The following ABI1 variants were observed in gnomAD, a reference collection of about 807,000 sequenced individuals.
ABI1 encodes the protein Abelson interactor 1.
ABI1 carries 14 observed loss-of-function variants against 54.6 expected under a neutral mutation model. The observed-to-expected ratio is 0.26, with a 90% CI of 0.17 to 0.40. The LOEUF (loss-of-function observed/expected upper bound fraction) is 0.40, where lower values mean the gene tolerates loss of function less well. Among genes scored for constraint, ABI1 ranks in the 10% least tolerant of loss-of-function variants. The probability of loss-of-function intolerance (pLI) is 1.00; values close to 1 mark genes in which losing one functional copy is unlikely to be tolerated. For missense variants in ABI1, 443 were observed against 598.3 expected, an observed-to-expected ratio of 0.74 and a Z score of 2.71; for synonymous variants, 194 against 209.3, an observed-to-expected ratio of 0.93 and a Z score of 0.63.
intron 2 of ABI1, among the ~76,000 whole-genome samples, chr10:26,781,325 C>G (rs1289760488): frequency 2.6e-5 from 4 of 152,402 alleles, no homozygotes; most frequent in East Asian, 3.8e-4. Flanking sequence ...TGCAGCCAGT[C>G]TGGCCCCTAG....
At chr10:26,846,635 G>C (rs546275604) in intron 1 of ABI1, among the ~76,000 whole-genome samples, 72 of 152,056 alleles carry the variant, frequency 4.7e-4, no homozygotes, top group African/African-American at 1.5e-3. Context: ...GAGCCACTGC[G>C]CCCAGCCTTG....
chr10:26,807,945 A>C (rs533112925), intron 2 of ABI1, among the ~76,000 whole-genome samples: 1 of 152,060 alleles, frequency 6.6e-6, no homozygotes, highest in East Asian at 1.9e-4. Context: ...TACAAAAATT[A>C]GCTGGGCGTG....
intron 8 of ABI1, among the ~76,000 whole-genome samples, chr10:26,757,605 T>G (rs1380420769): frequency 1.3e-5 from 2 of 152,198 alleles, no homozygotes; most frequent in African/African-American, 4.8e-5. Flanking sequence ...AAATGTTAGG[T>G]AAAATCCTAT....
rs569068911 is a variant in ABI1 at position 26,860,837 on chromosome 10, C to A, written c.27G>T (p.Glu9Asp). MAELQMLL[E>D]EEIPSGKRAL... The stretch of plus-strand genomic sequence containing the variant: ...CCCTCTTGCCAGACGGGATCTCCTC[C>A]TCTAGTAACATCTGCAGCTCTGCCA... The change falls in exon 1 of 11, where the codon GAG (glutamate) becomes GAT (aspartate). Residue 9 changes from glutamate to aspartate, a missense_variant. Physicochemically the swap from Glu to Asp is conservative, Grantham distance 45. Transcript: ENST00000376140. This position sits in a 1 kb window ranked among gnomAD's most constrained non-coding sequence, Gnocchi z 4.1. 6.2e-7 allele frequency: 1 copy of A among 1,614,190 alleles called. No individual in the cohort carries two copies. The highest frequency in any genetic ancestry group is 1.3e-5 in the African/African-American group (1 of 75,058).
chr10:26,770,664 A>C, intron 4 of ABI1: 1 of 576,832 alleles, frequency 1.7e-6, no homozygotes, highest in Non-Finnish European at 3.2e-6. Flanking sequence ...AATTTTTGAA[A>C]TGTGTGCATG....
At chr10:26,841,430 G>A (rs2049496810) in intron 1 of ABI1, among the ~76,000 whole-genome samples, 1 of 146,428 alleles carries the variant, frequency 6.8e-6, no homozygotes, top group Non-Finnish European at 1.5e-5. Flanking sequence ...TGTTTTTGTG[G>A]CAAGGACAGC....
chr10:26,759,428 A>G (rs549694911), intron 7 of ABI1, among the ~76,000 whole-genome samples, 190 bp from the exon 8 acceptor site: 1 of 152,276 alleles, frequency 6.6e-6, no homozygotes, highest in Non-Finnish European at 1.5e-5. Flanking sequence ...AACAGAGAGA[A>G]AAAAAAACAG....
chr10:26,803,550 T>C (rs2046692615), intron 2 of ABI1, among the ~76,000 whole-genome samples: 1 of 152,240 alleles, frequency 6.6e-6, no homozygotes, highest in Non-Finnish European at 1.5e-5. Flanking sequence ...ACGTTATCCT[T>C]TTCAATTTCC....
At chr10:26,844,518 C>T (rs1461795265) in intron 1 of ABI1, among the ~76,000 whole-genome samples, 1 of 152,138 alleles carries the variant, frequency 6.6e-6, no homozygotes, top group Non-Finnish European at 1.5e-5. Flanking sequence ...TCCCTTTCCT[C>T]TCCTCTTCCC....
chr10:26,804,979 C>T (rs985333013), intron 2 of ABI1, among the ~76,000 whole-genome samples: 3 of 152,046 alleles, frequency 2.0e-5, no homozygotes, highest in South Asian at 2.1e-4. Flanking sequence ...AGGTATAAAA[C>T]AAAGAGAGGG....
At position 26,759,200 on chromosome 10, in the gene ABI1, T is replaced by C; in HGVS notation, c.859A>G (p.Met287Val). The C allele has an allele frequency of 1.9e-6, 3 of 1,614,106 alleles. No individual in the cohort carries two copies. Among genetic ancestry groups the C allele is most frequent in the Non-Finnish European group, 1.7e-6 (2 of 1,179,978 alleles). ...TTGTGTCGAGATATCTGCCTGGTCA[T>C]TGTGCCATACTGGGAACCAGGAGCT... ...GSAPGSQYGT[M>V]TRQISRHNST... Residue 287 changes from methionine to valine, a missense_variant, in exon 8 of 11, where the codon ATG becomes GTG. This residue lies in a region of ABI1 where 394 missense variants were observed against 484.8 expected (regional missense o/e 0.81). Transcript: ENST00000376140.
chr10:26,860,708 C>G lies in ABI1; in HGVS notation c.117+39G>C. 6.4e-7 allele frequency: 1 copy of G among 1,560,544 alleles called. No homozygotes were observed. ...TGGGCTGGTCACTCCGGCGGGTCCT[C>G]GACCCGGCCAGCGCCCGCCGGCCGC... On this transcript the variant is annotated intron_variant, in intron 1 of 10. Transcript: ENST00000376140. The surrounding 1 kb of genome is among the most constrained non-coding windows in gnomAD (Gnocchi z 4.1).
At chr10:26,810,557 T>G (rs1250163709) in intron 2 of ABI1, among the ~76,000 whole-genome samples, 1 of 152,218 alleles carries the variant, frequency 6.6e-6, no homozygotes, top group African/African-American at 2.4e-5. Context: ...TTTAAGACTT[T>G]GCAGGCCATA....
At chr10:26,749,483 T>C (rs1311024488) in intron 10 of ABI1, among the ~76,000 whole-genome samples, 1 of 152,238 alleles carries the variant, frequency 6.6e-6, no homozygotes, top group Admixed American at 6.5e-5. Context: ...ATACACCTTA[T>C]ACACATAGTC....
chr10:26,818,858 C>T (rs1018631117), intron 2 of ABI1, among the ~76,000 whole-genome samples: 5 of 151,884 alleles, frequency 3.3e-5, no homozygotes, highest in African/African-American at 7.3e-5. Context: ...GGCATGGTGG[C>T]GGGCACCCAT....
intron 3 of ABI1, among the ~76,000 whole-genome samples, chr10:26,772,035 C>T (rs1156439551): frequency 6.6e-6 from 1 of 151,476 alleles, no homozygotes; most frequent in Admixed American, 6.6e-5. Flanking sequence ...CAAGTAACTA[C>T]CATTTTTCAG....
At position 26,852,575 on chromosome 10, in the gene ABI1, A is replaced by G. The variant is rs150839597; in HGVS notation, c.117+8172T>C. ...CATCTTTTTCTATATGATATAATAT[A>G]TACATTTCTGATGTTTAAGTGGAGG... On this transcript the variant is annotated intron_variant, in intron 1 of 10. Transcript: ENST00000376140. 9.9e-4 allele frequency among the ~76,000 whole-genome samples: 151 copies of G among 152,338 alleles called. 2 individuals carry two copies. The highest frequency in any genetic ancestry group is 6.8e-3 in the Middle Eastern group (2 of 294).
chr10:26,793,408 T>C (rs1180904820), intron 2 of ABI1, among the ~76,000 whole-genome samples: 1 of 152,200 alleles, frequency 6.6e-6, no homozygotes, highest in African/African-American at 2.4e-5. Flanking sequence ...ATGACCCATA[T>C]ACACACCATA....
At chr10:26,800,710 G>A (rs895686791) in intron 2 of ABI1, among the ~76,000 whole-genome samples, 8 of 152,160 alleles carry the variant, frequency 5.3e-5, no homozygotes, top group Non-Finnish European at 1.2e-4. Context: ...CTGCCTGGGT[G>A]ACAGACCAGG....
Sources: gnomAD v4.1 joint callset for allele counts (sites outside exome capture counted in the v4.1 genomes callset) on GRCh38, gnomAD v4.1.1 for gene constraint, gnomAD v4.1.1 regional missense constraint, Gnocchi (gnomAD v3.1) non-coding constraint, MANE v1.5 for transcripts, NCBI Gene and HGNC (gene_info 2026-07-23, HGNC 2026-07-21) for gene names.